Variants in ORC3 observed in about 807,000 individuals in gnomAD.
The protein encoded by ORC3 is origin recognition complex subunit 3, also known as homolog of latheo, Drosophila.
ORC3 carries 78 observed loss-of-function variants against 100.7 expected under a neutral mutation model. The observed-to-expected ratio is 0.77, with a 90% confidence interval of 0.65 to 0.94. ORC3 has a LOEUF of 0.94. Among genes scored for constraint, ORC3 ranks in the 40% least tolerant of loss-of-function variants. The pLI is 0.00. For missense variants in ORC3, 789 were observed against 823.9 expected (o/e 0.96, Z 0.52); for synonymous variants, 295 against 289.3 (o/e 1.02, Z -0.20).
intron 13 of ORC3, among the ~76,000 whole-genome samples, chr6:87,637,901 C>T (rs1264684157): frequency 6.6e-6 from 1 of 152,206 alleles, no homozygotes; most frequent in African/African-American, 2.4e-5. Context: ...CAATCTAAAA[C>T]TCTTAATATA....
At chr6:87,607,895 C>A in intron 6 of ORC3, 71 bp downstream of exon 6, 3 of 1,084,314 alleles carry the variant, frequency 2.8e-6, no homozygotes, top group Non-Finnish European at 4.1e-6. Flanking sequence ...TAATATTAGA[C>A]AGTACTGTTT....
At chr6:87,656,799 A>G (rs1243075175) in intron 14 of ORC3, 107 bp from the exon 15 acceptor site, 1 of 675,562 alleles carries the variant, frequency 1.5e-6, no homozygotes, top group Non-Finnish European at 2.6e-6. Flanking sequence ...TTGCCACATT[A>G]AAAAAATATA....
intron 6 of ORC3, among the ~76,000 whole-genome samples, chr6:87,608,483 A>G (rs754382112): frequency 1.3e-5 from 2 of 152,200 alleles, no homozygotes; most frequent in African/African-American, 4.8e-5. Flanking sequence ...ACATTTTCCA[A>G]TCAACATTTT....
rs1354723596 is a variant in ORC3, at chr6:87,605,863, A to G, written c.323-54A>G. The stretch of plus-strand genomic sequence containing the variant: ...CTTGATATGTTAAATAGCTTTTGTC[A>G]TTAAATTATTATTAATAAAAATGGT... On this transcript the variant is annotated intron_variant, in intron 4 of 19. Coordinates refer to ENST00000392844, the MANE Select transcript of ORC3 (RefSeq NM_012381.4). The G allele has an allele frequency of 1.3e-5, 12 of 941,138 alleles. No homozygotes were observed. The East Asian group carries it at 2.7e-4, about 21-fold the overall frequency. 58.3% of individuals were successfully genotyped at this position (941,138 alleles called of 1,614,324 possible).
At chr6:87,594,814 G>A (rs1243463384) in intron 2 of ORC3, among the ~76,000 whole-genome samples, 2 of 152,014 alleles carry the variant, frequency 1.3e-5, no homozygotes, top group African/African-American at 2.4e-5. Flanking sequence ...CTAATGATGG[G>A]GGAAATGTTA....
chr6:87,659,519 T>C (rs746921682), intron 16 of ORC3, among the ~76,000 whole-genome samples: 6 of 152,140 alleles, frequency 3.9e-5, no homozygotes, highest in Admixed American at 6.6e-5. Flanking sequence ...TTTTCCAGAA[T>C]AATGTGGGGA....
intron 3 of ORC3, 111 bp downstream of exon 3, chr6:87,601,992 G>C (rs1777940224): frequency 2.8e-6 from 2 of 712,572 alleles, no homozygotes; most frequent in Admixed American, 4.5e-5. Context: ...AGGAAGTATT[G>C]GTCAAGCATA....
intron 16 of ORC3, among the ~76,000 whole-genome samples, chr6:87,659,398 A>G (rs999041774): frequency 9.9e-5 from 15 of 152,114 alleles, no homozygotes; most frequent in African/African-American, 3.4e-4. Flanking sequence ...TTTAAACCCA[A>G]CAGCAGGCTA....
chr6:87,644,075 TG>T (rs1768511997), intron 13 of ORC3, among the ~76,000 whole-genome samples: 1 of 129,552 alleles, frequency 7.7e-6, no homozygotes. Flanking sequence ...GATGGCTGAC[TG>T]TCCTTTTTTT....
At chr6:87,631,587 G>A (rs1410358702) in intron 11 of ORC3, among the ~76,000 whole-genome samples, 2 of 151,934 alleles carry the variant, frequency 1.3e-5, no homozygotes, top group African/African-American at 4.8e-5. Flanking sequence ...CCGCCTCCTG[G>A]GTTCAAGTGA....
At chr6:87,593,961 C>G (rs1225618655) in intron 1 of ORC3, among the ~76,000 whole-genome samples, 1 of 152,260 alleles carries the variant, frequency 6.6e-6, no homozygotes, top group African/African-American at 2.4e-5. Context: ...TCCCAGAGTG[C>G]TGGGATTACA....
intron 18 of ORC3, 126 bp from the exon 19 acceptor site, chr6:87,665,628 G>C: frequency 1.7e-6 from 1 of 572,724 alleles, no homozygotes. Flanking sequence ...GTGTAGTTTT[G>C]ACAATCTTAA....
chr6:87,675,290 A>C, the ORC3 span: 1 of 404,010 alleles, frequency 2.5e-6, no homozygotes, highest in Admixed American at 3.9e-5. Context: ...CAACCAGTGA[A>C]GGGCATGTTC....
intron 15 of ORC3, chr6:87,657,185 C>A: frequency 4.8e-6 from 2 of 418,458 alleles, no homozygotes; most frequent in Non-Finnish European, 8.7e-6. Context: ...ATTCTGGAAC[C>A]TACTAGCTAA....
chr6:87,596,306 G>C (rs1277668896), intron 2 of ORC3, among the ~76,000 whole-genome samples: 2 of 151,738 alleles, frequency 1.3e-5, no homozygotes, highest in Admixed American at 6.6e-5. Context: ...GCTAATTTTT[G>C]TATTTTTTAG....
At chr6:87,613,350 T>G (rs1398435150) in intron 8 of ORC3, among the ~76,000 whole-genome samples, 2 of 152,180 alleles carry the variant, frequency 1.3e-5, no homozygotes, top group Non-Finnish European at 2.9e-5. Context: ...GCTCCCATGA[T>G]TCAATTACCG....
At chr6:87,628,534 GT>G (rs1451697205) in intron 11 of ORC3, among the ~76,000 whole-genome samples, 2 of 152,154 alleles carry the variant, frequency 1.3e-5, no homozygotes, top group African/African-American at 4.8e-5. Context: ...AATGTTTCAC[GT>G]CTTTATACCT....
At chr6:87,609,361 G>T in intron 7 of ORC3, 132 bp downstream of exon 7, 1 of 624,264 alleles carries the variant, frequency 1.6e-6, no homozygotes, top group Non-Finnish European at 2.5e-6. Context: ...CTTTATAATT[G>T]AATATTCAAA....
rs770608899 is a variant in ORC3, at chr6:87,667,152, A to G, written c.*29A>G. Reference sequence around the variant, plus strand: ...GCAAATAAGCAAAGCCAGAACTATCACATTTAGCTTAAGAGAAAAAGGTGA... The same window carrying G: ...GCAAATAAGCAAAGCCAGAACTATCGCATTTAGCTTAAGAGAAAAAGGTGA... On this transcript the variant is annotated 3_prime_UTR_variant, in exon 20 of 20. Coordinates refer to ENST00000392844, the MANE Select transcript of ORC3 (RefSeq NM_012381.4). 7.6e-7 allele frequency: 1 copy of G among 1,318,332 alleles called. No individual in the cohort carries two copies. The highest frequency in any genetic ancestry group is 1.9e-5 in the Admixed American group (1 of 51,978). The allele number at this position is 1,318,332 out of a possible 1,614,324, so 81.7% of individuals were successfully genotyped here.
Sources: allele counts gnomAD v4.1 joint callset (sites outside exome capture counted in the v4.1 genomes callset), GRCh38; gene constraint gnomAD v4.1.1; transcripts MANE v1.5; gene names NCBI Gene and HGNC (gene_info 2026-07-23, HGNC 2026-07-21).